Variants in FLRT2 observed in about 807,000 individuals in gnomAD.
FLRT2 encodes the protein leucine-rich repeat transmembrane protein FLRT2.
In FLRT2, 15 loss-of-function variants were observed where a neutral mutation model predicts 40.0. The observed-to-expected ratio is 0.38, with a 90% CI of 0.25 to 0.58. The LOEUF (loss-of-function observed/expected upper bound fraction) is 0.58, where lower values mean the gene tolerates loss of function less well. FLRT2 is among the 20% of genes least tolerant of loss of function. The pLI is 0.71. For synonymous variants in FLRT2, 380 were observed against 336.8 expected (o/e 1.13, Z -1.41); for missense variants, 726 against 840.0 (o/e 0.86, Z 1.68).
At chr14:85,608,632 T>A (rs184606769) in intron 1 of FLRT2, among the ~76,000 whole-genome samples, 37 of 152,342 alleles carry the variant, frequency 2.4e-4, no homozygotes, top group African/African-American at 8.4e-4. Flanking sequence ...CTAGCAATAT[T>A]CGTGAGTTAA....
At chr14:85,559,654 C>T (rs184257015) in intron 1 of FLRT2, among the ~76,000 whole-genome samples, 4 of 152,080 alleles carry the variant, frequency 2.6e-5, no homozygotes, top group Non-Finnish European at 4.4e-5. Flanking sequence ...TTTTTAACCT[C>T]ATAGCAGCTC....
At position 85,624,382 on chromosome 14, in the gene FLRT2, A is replaced by C. The variant is rs1893573570; in HGVS notation, c.*885A>C. Reference sequence around the variant, plus strand: ...TTTTTAGAAGAGGCTAATAAAGGGAAGAATTATATTGAATGGAATTATTTT... The same window carrying C: ...TTTTTAGAAGAGGCTAATAAAGGGACGAATTATATTGAATGGAATTATTTT... On this transcript the variant is annotated 3_prime_UTR_variant, in exon 2 of 2. Transcript: ENST00000330753. The C allele has an allele frequency of 6.0e-6, 1 of 167,088 alleles. No individual in the cohort carries two copies. The highest frequency in any genetic ancestry group is 2.4e-5 in the African/African-American group (1 of 41,470). 10.4% of individuals were successfully genotyped at this position (167,088 alleles called of 1,614,324 possible).
rs1893972054 is a variant in FLRT2 at position 85,635,152 on chromosome 14, A to T, written c.*11655A>T. 6.6e-6 allele frequency: 1 copy of T among 152,198 alleles called. No homozygotes were observed. The highest frequency in any genetic ancestry group is 1.5e-5 in the Non-Finnish European group (1 of 68,018). 9.4% of individuals were successfully genotyped at this position (152,198 alleles called of 1,614,324 possible). ...GGAAGCAACCTGCATAACCATTAAAATCAGGAGCTACAGAATCACAAAGAA... is the reference window on the plus strand; with the variant it reads ...GGAAGCAACCTGCATAACCATTAAATTCAGGAGCTACAGAATCACAAAGAA... On this transcript the variant is annotated 3_prime_UTR_variant, in exon 2 of 2. Coordinates refer to ENST00000330753, the MANE Select transcript of FLRT2 (RefSeq NM_013231.6).
In FLRT2 at chr14:85,560,083, C is replaced by A. The variant is rs1890212328; in HGVS notation, c.-377+29549C>A. Among the ~76,000 whole-genome samples the A allele has an allele frequency of 2.0e-5, 3 of 152,216 alleles. No homozygotes were observed. The South Asian group carries it at 6.2e-4, about 32-fold the overall frequency. On this transcript the variant is annotated intron_variant, in intron 1 of 1. Transcript: ENST00000330753. ...TTCTGCCAGGCATACCTTGTCTGTC[C>A]CAGCTCTGACTCTTTGGGGCTGAGT... is the stretch of plus-strand genomic sequence containing the variant.
chr14:85,606,681 C>T lies in FLRT2; in HGVS notation c.-376-14458C>T, dbSNP rs1359591561. 2.0e-5 allele frequency among the ~76,000 whole-genome samples: 3 copies of T among 151,272 alleles called. No homozygotes were observed. In the East Asian group the frequency reaches 5.9e-4, roughly 30 times the overall value. On this transcript the variant is annotated intron_variant, in intron 1 of 1. Coordinates refer to ENST00000330753, the MANE Select transcript of FLRT2 (RefSeq NM_013231.6). ...CTTGGATTACAGGCACGCACCACCA[C>T]GCCCAGCTAATTTTTGTATTTTTAG... is the stretch of plus-strand genomic sequence containing the variant.
chr14:85,617,420 G>T (rs1191670667), intron 1 of FLRT2, among the ~76,000 whole-genome samples: 1 of 152,088 alleles, frequency 6.6e-6, no homozygotes, highest in African/African-American at 2.4e-5. Context: ...AGGAGACTAA[G>T]ACTTGAAAAG....
chr14:85,648,826 A>G lies in FLRT2; in HGVS notation c.*25329A>G, dbSNP rs1432928468. ...TTTAATGCCTGCCTCCCATTAAGTT[A>G]TAAGATCCAGGAATTTAATAATTTA... On this transcript the variant is annotated 3_prime_UTR_variant, in exon 2 of 2. Transcript: ENST00000330753. The G allele has an allele frequency of 1.3e-5, 2 of 152,172 alleles. No homozygotes were observed. The highest frequency in any genetic ancestry group is 4.8e-5 in the African/African-American group (2 of 41,442). The allele number at this position is 152,172 out of a possible 1,614,324, so 9.4% of individuals were successfully genotyped here.
chr14:85,532,285 G>A (rs1888333534), intron 1 of FLRT2, among the ~76,000 whole-genome samples: 1 of 152,190 alleles, frequency 6.6e-6, no homozygotes, highest in Admixed American at 6.5e-5. Context: ...AGCTCTTGGC[G>A]CGGGCTCGTT....
chr14:85,559,058 G>A (rs1890150989), intron 1 of FLRT2, among the ~76,000 whole-genome samples: 1 of 152,118 alleles, frequency 6.6e-6, no homozygotes, highest in South Asian at 2.1e-4. Context: ...ACATAGATAG[G>A]TGCACATGCA....
chr14:85,623,566 A>T lies in FLRT2; in HGVS notation c.*69A>T. 8.2e-7 allele frequency: 1 copy of T among 1,219,614 alleles called. No individual in the cohort carries two copies. Among genetic ancestry groups the T allele is most frequent in the Non-Finnish European group, 1.1e-6 (1 of 922,122 alleles). 75.5% of individuals were successfully genotyped at this position (1,219,614 alleles called of 1,614,324 possible). A position where few individuals can be genotyped will look rare whatever the true frequency, so the allele number is the denominator to read the frequency against. On this transcript the variant is annotated 3_prime_UTR_variant, in exon 2 of 2. Transcript: ENST00000330753. ...GAGAACACACTCGTGTGTGCACATA[A>T]AGACACGCAGATTACATTTGATAAA...
chr14:85,627,939 C>T lies in FLRT2; in HGVS notation c.*4442C>T, dbSNP rs1178582086. 2 of 166,922 alleles carry T rather than the reference C, an allele frequency of 1.2e-5. No individual in the cohort carries two copies. The highest frequency in any genetic ancestry group is 4.8e-5 in the African/African-American group (2 of 41,414). The allele number at this position is 166,922 out of a possible 1,614,324, so 10.3% of individuals were successfully genotyped here. On this transcript the variant is annotated 3_prime_UTR_variant, in exon 2 of 2. Transcript: ENST00000330753. ...TAAAAGAAAACCACATTGTGTTTATCTGAGTAAGTTCATTGGGATACAGTC... is the reference window on the plus strand; with the variant it reads ...TAAAAGAAAACCACATTGTGTTTATTTGAGTAAGTTCATTGGGATACAGTC...
In FLRT2 at chr14:85,626,529, A is replaced by G. The variant is rs1177286827; in HGVS notation, c.*3032A>G. ...AGGAAGAGGCATAGTCATGATCAAA[A>G]GGATATATTGACAGTTATCTATAGC... On this transcript the variant is annotated 3_prime_UTR_variant, in exon 2 of 2. Transcript: ENST00000330753. 4 of 167,100 alleles carry G rather than the reference A, an allele frequency of 2.4e-5. No individual in the cohort carries two copies. Among genetic ancestry groups the G allele is most frequent in the Non-Finnish European group, 4.4e-5 (3 of 68,134 alleles). The allele number at this position is 167,100 out of a possible 1,614,324, so 10.4% of individuals were successfully genotyped here.
chr14:85,622,608 C>A lies in FLRT2; in HGVS notation c.1094C>A (p.Pro365His). Residue 365 changes from proline (P) to histidine (H), a missense_variant, in exon 2 of 2, where the codon CCC (proline) becomes CAC (histidine). Physicochemically the swap from Pro to His is moderately conservative, Grantham distance 77 (BLOSUM62 -2). This residue lies in a region of FLRT2 where 611 missense variants were observed against 690.0 expected (regional missense o/e 0.89). Coordinates refer to ENST00000330753, the MANE Select transcript of FLRT2 (RefSeq NM_013231.6). The part of the protein sequence containing the change: ...MNLLSCPTTT[P>H]GLPLFTPAPS... Reference sequence around the variant, plus strand: ...CTTTTGTCCTGTCCCACCACGACCCCCGGCCTGCCTCTCTTCACCCCAGCC... The same window carrying A: ...CTTTTGTCCTGTCCCACCACGACCCACGGCCTGCCTCTCTTCACCCCAGCC... 1 of 1,613,722 alleles carries A rather than the reference C, an allele frequency of 6.2e-7. No individual in the cohort carries two copies. Among genetic ancestry groups the A allele is most frequent in the South Asian group, 1.1e-5 (1 of 91,052 alleles).
At chr14:85,558,744 C>T (rs950478647) in intron 1 of FLRT2, among the ~76,000 whole-genome samples, 1 of 152,150 alleles carries the variant, frequency 6.6e-6, no homozygotes, top group Non-Finnish European at 1.5e-5. Flanking sequence ...CCAGGGAGTT[C>T]CTGCTACATG....
intron 1 of FLRT2, among the ~76,000 whole-genome samples, chr14:85,542,676 T>C (rs1482798651): frequency 1.3e-5 from 2 of 152,162 alleles, no homozygotes; most frequent in Non-Finnish European, 2.9e-5. Flanking sequence ...TGGGAAATGG[T>C]TTTAAAAAGT....
intron 1 of FLRT2, among the ~76,000 whole-genome samples, chr14:85,537,579 C>T (rs937326301): frequency 1.3e-5 from 2 of 151,796 alleles, no homozygotes; most frequent in Admixed American, 6.6e-5. Context: ...CCTCCAATTA[C>T]GTATCTGTTT....
rs1353462692 is a variant in FLRT2 at position 85,630,882 on chromosome 14, C to T, written c.*7385C>T. 1 of 151,756 alleles carries T rather than the reference C, an allele frequency of 6.6e-6. No individual in the cohort carries two copies. Among genetic ancestry groups the T allele is most frequent in the East Asian group, 1.9e-4 (1 of 5,156 alleles). The allele number at this position is 151,756 out of a possible 1,614,324, so 9.4% of individuals were successfully genotyped here. On this transcript the variant is annotated 3_prime_UTR_variant, in exon 2 of 2. Coordinates refer to ENST00000330753, the MANE Select transcript of FLRT2 (RefSeq NM_013231.6). ...TAGTCTTTTTCTAATTTAGCCTTTC[C>T]AACACATTGAAGGACAAAGGGTAAT...
intron 1 of FLRT2, among the ~76,000 whole-genome samples, chr14:85,587,728 C>T (rs1005373518): frequency 1.3e-5 from 2 of 152,026 alleles, no homozygotes; most frequent in African/African-American, 4.8e-5. Context: ...AAAAACTCAT[C>T]GTTGGAAGAA....
At position 85,636,600 on chromosome 14, in the gene FLRT2, AG is replaced by A. The variant is rs1361244269; in HGVS notation, c.*13104del. On this transcript the variant is annotated 3_prime_UTR_variant, in exon 2 of 2. Transcript: ENST00000330753. Reference sequence around the variant, plus strand: ...ACAAAACATCTTCAGGAAAAGAAAAAGAAAGGCAAATAAAATGTTTATATGA... The same window carrying A: ...ACAAAACATCTTCAGGAAAAGAAAAAAAAGGCAAATAAAATGTTTATATGA... The A allele has an allele frequency of 6.6e-6, 1 of 152,064 alleles. No homozygotes were observed. The highest frequency in any genetic ancestry group is 2.4e-5 in the African/African-American group (1 of 41,412). 9.4% of individuals were successfully genotyped at this position (152,064 alleles called of 1,614,324 possible).
Sources: allele counts gnomAD v4.1 joint callset (sites outside exome capture counted in the v4.1 genomes callset), GRCh38; gene constraint gnomAD v4.1.1; regional missense constraint gnomAD v4.1.1; transcripts MANE v1.5; gene names NCBI Gene and HGNC (gene_info 2026-07-23, HGNC 2026-07-21).